PTPDC1: variants seen among roughly 807,000 people sequenced by gnomAD.
PTPDC1 encodes protein tyrosine phosphatase domain containing 1, also known as protein tyrosine phosphatase domain-containing protein 1.
Under a neutral mutation model 75.3 loss-of-function variants are expected in PTPDC1, and 53 were observed. The observed-to-expected ratio is 0.70, with a 90% CI of 0.56 to 0.88. The LOEUF (loss-of-function observed/expected upper bound fraction) is 0.88. Among genes scored for constraint, PTPDC1 ranks in the 40% least tolerant of loss-of-function variants. The pLI is 0.00. For missense variants in PTPDC1, 925 were observed against 998.6 expected (o/e 0.93, Z 0.99); for synonymous variants, 349 against 366.2 (o/e 0.95, Z 0.54).
At chr9:94,033,604 G>A (rs1353998897) in intron 1 of PTPDC1, among the ~76,000 whole-genome samples, 1 of 152,146 alleles carries the variant, frequency 6.6e-6, no homozygotes, top group Non-Finnish European at 1.5e-5. Context: ...TGCCTCCAGG[G>A]TTGTGACATT....
At chr9:94,045,795 G>T (rs931821945) in intron 1 of PTPDC1, among the ~76,000 whole-genome samples, 6 of 151,334 alleles carry the variant, frequency 4.0e-5, no homozygotes, top group African/African-American at 1.2e-4. Flanking sequence ...TCTGTAGGTT[G>T]CCTGTTCACT....
At chr9:94,079,242 G>C (rs1826797975) in intron 2 of PTPDC1, among the ~76,000 whole-genome samples, 1 of 152,156 alleles carries the variant, frequency 6.6e-6, no homozygotes, top group East Asian at 1.9e-4. Flanking sequence ...TGACTCCTAA[G>C]AGGGCATGGC....
At chr9:94,053,968 G>C (rs1212808656) in intron 1 of PTPDC1, among the ~76,000 whole-genome samples, 1 of 152,204 alleles carries the variant, frequency 6.6e-6, no homozygotes, top group Non-Finnish European at 1.5e-5. Flanking sequence ...AGTTTTGGTG[G>C]TGGTGGTGGC....
At chr9:94,105,146 A>T (rs1292706342) in intron 8 of PTPDC1, among the ~76,000 whole-genome samples, 8 of 152,140 alleles carry the variant, frequency 5.3e-5, no homozygotes, top group Admixed American at 5.2e-4. Context: ...ATATTTGTCC[A>T]GTCTCCTTCC....
At position 94,098,050 on chromosome 9, in the gene PTPDC1, C is replaced by T. The variant is rs776901169; in HGVS notation, c.1484C>T (p.Pro495Leu). 2.1e-5 allele frequency: 34 copies of T among 1,614,104 alleles called. No homozygotes were observed. The Admixed American group carries it at 5.7e-4, about 27-fold the overall frequency. Reference protein sequence around the residue: ...SHCYIPQSPEPDLHKEALVRS... With the variant: ...SHCYIPQSPELDLHKEALVRS... ...TGTTACATCCCACAGTCTCCAGAAC[C>T]AGACTTACACAAGGAAGCCTTGGTT... is the stretch of plus-strand genomic sequence containing the variant. Residue 495 changes from proline (P) to leucine (L), a missense_variant, in exon 6 of 9, where the codon CCA becomes CTA. Physicochemically the swap from Pro to Leu is moderately conservative, Grantham distance 98. Coordinates refer to ENST00000620992, the MANE Select transcript of PTPDC1 (RefSeq NM_001253829.2).
intron 4 of PTPDC1, among the ~76,000 whole-genome samples, chr9:94,091,220 G>C (rs1251495307): frequency 2.0e-5 from 3 of 151,822 alleles, no homozygotes; most frequent in Non-Finnish European, 1.5e-5. Context: ...CTGTGGGTTT[G>C]TCATAGATAG....
At chr9:94,081,769 G>A (rs1587881341), upstream of PTPDC1, among the ~76,000 whole-genome samples, 1 of 151,770 alleles carries the variant, frequency 6.6e-6, no homozygotes, top group African/African-American at 2.4e-5. Context: ...GGGGAGAGAA[G>A]AAGGGCCCTC....
intron 1 of PTPDC1, among the ~76,000 whole-genome samples, chr9:94,046,325 C>T (rs1235873377): frequency 6.6e-6 from 1 of 152,118 alleles, no homozygotes; most frequent in Non-Finnish European, 1.5e-5. Flanking sequence ...CTTGGCAATG[C>T]AGGCTCTTTT....
chr9:94,057,424 A>G (rs2118477577), intron 1 of PTPDC1, among the ~76,000 whole-genome samples: 1 of 145,850 alleles, frequency 6.9e-6, no homozygotes, highest in Admixed American at 7.2e-5. Context: ...AGGTATGAAT[A>G]GAATCCTTTA....
At chr9:94,047,157 G>T (rs1005265418) in intron 1 of PTPDC1, among the ~76,000 whole-genome samples, 9 of 152,234 alleles carry the variant, frequency 5.9e-5, no homozygotes, top group African/African-American at 2.2e-4. Context: ...TTATTGATTT[G>T]TGTATGTTGA....
chr9:94,061,713 C>G lies in PTPDC1; in HGVS notation c.-6-3021C>G, dbSNP rs145595563. ...TCAACTGTACTTGGGCCCATTTTAG[C>G]TACAGCTGGAGCTGCTGGGGTGCAG... On this transcript the variant is annotated intron_variant, in intron 1 of 9. Transcript: ENST00000375360. Among the ~76,000 whole-genome samples, 1,025 of 152,340 alleles carry G rather than the reference C, an allele frequency of 6.7e-3. 11 individuals carry two copies. The highest frequency in any genetic ancestry group is 0.027 in the Middle Eastern group (8 of 294).
chr9:94,045,479 G>A (rs535597349), intron 1 of PTPDC1, among the ~76,000 whole-genome samples: 33 of 152,124 alleles, frequency 2.2e-4, no homozygotes, highest in South Asian at 8.3e-4. Context: ...AAGTGTTCCT[G>A]TTTCTCCACA....
chr9:94,074,629 T>C (rs1021021844), intron 2 of PTPDC1, among the ~76,000 whole-genome samples: 3 of 152,050 alleles, frequency 2.0e-5, no homozygotes, highest in African/African-American at 4.8e-5. Flanking sequence ...CTGGACCCCA[T>C]TGACACCAGG....
intron 1 of PTPDC1, 128 bp downstream of exon 1, chr9:94,084,902 A>G (rs544508949): frequency 4.4e-6 from 3 of 674,536 alleles, no homozygotes; most frequent in African/African-American, 3.7e-5. Context: ...GCTGTCTGTT[A>G]TGCTATTTTA....
intron 8 of PTPDC1, 103 bp from the exon 9 acceptor site, chr9:94,107,725 G>A: frequency 1.8e-6 from 1 of 548,278 alleles, no homozygotes. Context: ...ATAGAGTTTT[G>A]TTTGTAAGTC....
chr9:94,064,932 C>A, intron 2 of PTPDC1: 1 of 768,890 alleles, frequency 1.3e-6, no homozygotes, highest in Non-Finnish European at 2.1e-6. Context: ...ATTGGAATCC[C>A]AGGTTGCAAG....
At chr9:94,089,082 AT>A (rs200279618) in intron 4 of PTPDC1, among the ~76,000 whole-genome samples, 11,257 of 145,684 alleles carry the variant, frequency 0.077, 529 homozygotes, top group East Asian at 0.14. Flanking sequence ...TTTTTTTTTA[AT>A]TTTTTTTTAT....
intron 1 of PTPDC1, among the ~76,000 whole-genome samples, chr9:94,045,014 T>C (rs1347071262): frequency 1.8e-5 from 2 of 110,290 alleles, no homozygotes; most frequent in Admixed American, 2.4e-4. Flanking sequence ...CCACAACAGT[T>C]CTCGGTGTGT....
At chr9:94,058,600 G>A (rs564335927) in intron 1 of PTPDC1, among the ~76,000 whole-genome samples, 4 of 151,818 alleles carry the variant, frequency 2.6e-5, no homozygotes, top group South Asian at 4.2e-4. Flanking sequence ...CCAGCTACTC[G>A]GAGGGCTGAG....
Sources: gnomAD v4.1 joint callset for allele counts (sites outside exome capture counted in the v4.1 genomes callset) on GRCh38, gnomAD v4.1.1 for gene constraint, MANE v1.5 for transcripts, NCBI Gene and HGNC (gene_info 2026-07-23, HGNC 2026-07-21) for gene names.